The following NELL1 variants were observed in gnomAD, a reference collection of about 807,000 sequenced individuals.
The protein encoded by NELL1 is protein kinase C-binding protein NELL1.
In NELL1, 76 loss-of-function variants were observed where a neutral mutation model predicts 107.4. The ratio of observed to expected loss-of-function variants is 0.71; its 90% confidence interval spans 0.59 to 0.86. NELL1 has a LOEUF of 0.86. Among genes scored for constraint, NELL1 ranks in the 40% least tolerant of loss-of-function variants. The pLI, the probability that NELL1 is intolerant of heterozygous loss-of-function variation, is 0.00. For missense variants in NELL1, 1,024 were observed against 1,005.5 expected (o/e 1.02, Z -0.25); for synonymous variants, 353 against 341.2 (o/e 1.03, Z -0.38).
At chr11:21,020,141 C>G (rs188943583) in intron 12 of NELL1, among the ~76,000 whole-genome samples, 238 of 152,160 alleles carry the variant, frequency 1.6e-3, no homozygotes, top group African/African-American at 4.4e-3. Flanking sequence ...AATAAAAATA[C>G]TATATGCCAA....
chr11:21,175,441 C>T (rs904386464), intron 13 of NELL1, among the ~76,000 whole-genome samples: 1 of 151,816 alleles, frequency 6.6e-6, no homozygotes, highest in East Asian at 1.9e-4. Context: ...GCAAAGCATA[C>T]TTAATCACTG....
Position 20,743,338 on chromosome 11 carries a change from G to A in NELL1, c.185-40342G>A, listed in dbSNP as rs539734154. The stretch of plus-strand genomic sequence containing the variant: ...ACTGTACTCTAGCCTGTGTGATAGA[G>A]TGAGACTCTGTCTTAAAAAAAAAAA... On this transcript the variant is annotated intron_variant, in intron 2 of 19. Coordinates refer to ENST00000357134, the MANE Select transcript of NELL1 (RefSeq NM_006157.5). Among the ~76,000 whole-genome samples the A allele has an allele frequency of 1.2e-3, 180 of 151,764 alleles. 1 individual carries two copies. Among genetic ancestry groups the A allele is most frequent in the African/African-American group, 4.3e-3 (177 of 41,312 alleles).
At chr11:21,021,012 A>AAC (rs56813080) in intron 12 of NELL1, among the ~76,000 whole-genome samples, 9,254 of 140,228 alleles carry the variant, frequency 0.066, 297 homozygotes, top group Middle Eastern at 0.077. Context: ...AGAAACTTAG[A>AAC]ACACACACAC....
chr11:21,529,482 C>G (rs963016626), intron 15 of NELL1, among the ~76,000 whole-genome samples: 1 of 152,128 alleles, frequency 6.6e-6, no homozygotes, highest in African/African-American at 2.4e-5. Context: ...AGAAAATAAG[C>G]AGGTTTGTGT....
At chr11:21,109,544 C>T (rs1400063000) in intron 12 of NELL1, among the ~76,000 whole-genome samples, 3 of 152,126 alleles carry the variant, frequency 2.0e-5, no homozygotes, top group Non-Finnish European at 4.4e-5. Flanking sequence ...AGGCAGAGTA[C>T]TGTCACCACC....
At chr11:21,474,875 G>C (rs993855097) in intron 15 of NELL1, among the ~76,000 whole-genome samples, 1 of 152,018 alleles carries the variant, frequency 6.6e-6, no homozygotes, top group African/African-American at 2.4e-5. Flanking sequence ...AATAATACTA[G>C]CAATGGTTCT....
intron 15 of NELL1, among the ~76,000 whole-genome samples, chr11:21,406,665 C>G (rs76939703): frequency 0.018 from 2,718 of 152,050 alleles, 85 homozygotes; most frequent in African/African-American, 0.061. Context: ...TTTTATCATT[C>G]AGGCTCAAAA....
rs184600561 is a variant in NELL1 at position 21,453,925 on chromosome 11, T to A, written c.1646-80449T>A. ...GAACTTGATCATAGGTTCTTTTTTTTTTATTATTATACTTTACTTTACTTT... is the reference window on the plus strand; with the variant it reads ...GAACTTGATCATAGGTTCTTTTTTTATTATTATTATACTTTACTTTACTTT... On this transcript the variant is annotated intron_variant, in intron 15 of 19. Transcript: ENST00000357134. Among the ~76,000 whole-genome samples the A allele has an allele frequency of 7.2e-3, 924 of 127,588 alleles. 5 individuals are homozygous for A. The highest frequency in any genetic ancestry group is 0.019 in the African/African-American group (724 of 37,234). 83.7% of individuals were successfully genotyped at this position (127,588 alleles called of 152,430 possible).
chr11:21,330,876 C>A (rs1183251143), intron 14 of NELL1, among the ~76,000 whole-genome samples: 1 of 151,944 alleles, frequency 6.6e-6, no homozygotes, highest in East Asian at 1.9e-4. Flanking sequence ...TAATGGTGGT[C>A]TTCATATCTC....
At chr11:21,119,625 G>A (rs1423600607) in intron 13 of NELL1, among the ~76,000 whole-genome samples, 1 of 152,034 alleles carries the variant, frequency 6.6e-6, no homozygotes, top group Non-Finnish European at 1.5e-5. Flanking sequence ...CCTTGGGGGA[G>A]TTTTTAGCCT....
chr11:20,947,243 A>G, intron 10 of NELL1, 93 bp from the exon 11 acceptor site: 5 of 786,726 alleles, frequency 6.4e-6, no homozygotes, highest in Non-Finnish European at 8.9e-6. Context: ...GTATGTTGTT[A>G]TCACTGCAGG....
At chr11:20,959,002 G>A (rs1175315168) in intron 11 of NELL1, among the ~76,000 whole-genome samples, 3 of 152,154 alleles carry the variant, frequency 2.0e-5, no homozygotes, top group South Asian at 2.1e-4. Context: ...CAGTCCGATG[G>A]CATTTTACTC....
intron 2 of NELL1, among the ~76,000 whole-genome samples, chr11:20,763,714 G>A (rs79201477): frequency 0.011 from 1,673 of 152,352 alleles, 32 homozygotes; most frequent in African/African-American, 0.038. Context: ...GAGGGCTGAG[G>A]GACTCATACT....
Position 20,678,037 on chromosome 11 carries a change from C to T in NELL1, c.161C>T (p.Ala54Val), listed in dbSNP as rs1353647751. The T allele has an allele frequency of 1.9e-6, 3 of 1,613,980 alleles. No homozygotes were observed. The highest frequency in any genetic ancestry group is 2.5e-6 in the Non-Finnish European group (3 of 1,179,990). ...GCTCAGGTGTCTGGAATGCACAATG[C>T]CAGCAAAGCATTTTTATTTCAAGGT... ...GVAQVSGMHN[A>V]SKAFLFQDIE... is the part of the protein sequence containing the mutation. Residue 54 changes from alanine (A) to valine (V), a missense_variant, in exon 2 of 20, where the codon GCC becomes GTC. Ala to Val is a moderately conservative substitution (Grantham distance 64). Transcript: ENST00000357134.
rs980624356 is a variant in NELL1 at position 21,415,243 on chromosome 11, C to T, written c.1645+44295C>T. ...GCAACTTATAAAAGAAAGACCAGGG[C>T]CATTAGAGAAAGCTGGGTAACTGTG... On this transcript the variant is annotated intron_variant, in intron 15 of 19. Transcript: ENST00000357134. Among the ~76,000 whole-genome samples, 5 of 152,082 alleles carry T rather than the reference C, an allele frequency of 3.3e-5. No homozygotes were observed. The South Asian group carries it at 1.0e-3, about 31-fold the overall frequency.
At chr11:21,034,119 C>T (rs931472680) in intron 12 of NELL1, among the ~76,000 whole-genome samples, 9 of 152,062 alleles carry the variant, frequency 5.9e-5, no homozygotes, top group African/African-American at 2.2e-4. Context: ...GCCTACGTTG[C>T]CTTGCGGGTT....
intron 15 of NELL1, among the ~76,000 whole-genome samples, chr11:21,449,811 A>G (rs1853533238): frequency 6.6e-6 from 1 of 152,226 alleles, no homozygotes; most frequent in African/African-American, 2.4e-5. Context: ...TGAGAAGACC[A>G]ACCTTTCTCT....
At chr11:21,293,732 C>T (rs144187113) in intron 14 of NELL1, among the ~76,000 whole-genome samples, 4,509 of 152,216 alleles carry the variant, frequency 0.03, 237 homozygotes, top group African/African-American at 0.1. Context: ...ACATACACAC[C>T]ATGGAATACT....
intron 3 of NELL1, among the ~76,000 whole-genome samples, chr11:20,785,464 C>G (rs1478363963): frequency 2.6e-5 from 4 of 152,188 alleles, no homozygotes; most frequent in Admixed American, 2.6e-4. Context: ...GCTTCACAAC[C>G]CTACCTTGCC....
Sources: allele counts gnomAD v4.1 joint callset (sites outside exome capture counted in the v4.1 genomes callset), GRCh38; gene constraint gnomAD v4.1.1; transcripts MANE v1.5; gene names NCBI Gene and HGNC (gene_info 2026-07-23, HGNC 2026-07-21).